Variants in PTPN4 observed in about 807,000 individuals in gnomAD.
PTPN4 encodes the protein tyrosine-protein phosphatase non-receptor type 4.
PTPN4 carries 49 observed loss-of-function variants against 135.5 expected under a neutral mutation model. That is an observed-to-expected ratio of 0.36 (90% CI 0.29 to 0.46). The LOEUF (loss-of-function observed/expected upper bound fraction) is 0.46, where lower values mean the gene tolerates loss of function less well. Among genes scored for constraint, PTPN4 ranks in the 20% least tolerant of loss-of-function variants. The pLI is 1.00. For missense variants in PTPN4, 860 were observed against 1,101.0 expected (o/e 0.78, Z 3.10); for synonymous variants, 333 against 369.9 (o/e 0.90, Z 1.14).
chr2:119,973,489 C>G (rs1679566117), intron 26 of PTPN4, among the ~76,000 whole-genome samples: 1 of 151,972 alleles, frequency 6.6e-6, no homozygotes, highest in Non-Finnish European at 1.5e-5. Flanking sequence ...TCATTTCTTT[C>G]AGGTATATAC....
chr2:119,909,448 GAAA>G, intron 10 of PTPN4, among the ~76,000 whole-genome samples: 1 of 152,274 alleles, frequency 6.6e-6, no homozygotes, highest in Admixed American at 6.5e-5. Context: ...CTACTGCTTA[GAAA>G]AAGATTCCTT....
chr2:119,804,794 C>T (rs1324706871), intron 1 of PTPN4, among the ~76,000 whole-genome samples: 1 of 152,146 alleles, frequency 6.6e-6, no homozygotes, highest in Non-Finnish European at 1.5e-5. Flanking sequence ...GGCATATACC[C>T]AGTAATGGGA....
chr2:119,776,003 T>C (rs2104924523), intron 1 of PTPN4, among the ~76,000 whole-genome samples: 1 of 152,168 alleles, frequency 6.6e-6, no homozygotes, highest in African/African-American at 2.4e-5. Flanking sequence ...AGCAAGAAGA[T>C]GTGGAAGAAA....
intron 2 of PTPN4, among the ~76,000 whole-genome samples, chr2:119,822,761 G>A (rs1277195042): frequency 6.6e-6 from 1 of 151,818 alleles, no homozygotes; most frequent in East Asian, 1.9e-4. Flanking sequence ...TCAAATTAGT[G>A]GGCTTTCAGG....
chr2:119,905,826 A>G (rs533347168), intron 10 of PTPN4, among the ~76,000 whole-genome samples: 3 of 152,292 alleles, frequency 2.0e-5, no homozygotes, highest in South Asian at 2.1e-4. Context: ...AAACTGTACA[A>G]ATACATGGAA....
At chr2:119,887,155 A>G (rs1381839815) in intron 9 of PTPN4, among the ~76,000 whole-genome samples, 2 of 152,174 alleles carry the variant, frequency 1.3e-5, no homozygotes, top group East Asian at 3.8e-4. Flanking sequence ...TAAAGTTTAA[A>G]ACAGATGGAA....
chr2:119,770,878 CTT>C (rs11302568), intron 1 of PTPN4, among the ~76,000 whole-genome samples: 5 of 138,940 alleles, frequency 3.6e-5, no homozygotes, highest in African/African-American at 2.6e-5. Flanking sequence ...AAGGGTCTAA[CTT>C]TTTTTTTTTT....
At chr2:119,788,399 A>G (rs1288948885) in intron 1 of PTPN4, among the ~76,000 whole-genome samples, 2 of 152,190 alleles carry the variant, frequency 1.3e-5, no homozygotes, top group Admixed American at 1.3e-4. Context: ...ACTTCATAAA[A>G]TGTTATGTTT....
chr2:119,845,754 G>T (rs1039822706), intron 2 of PTPN4, among the ~76,000 whole-genome samples: 1 of 151,604 alleles, frequency 6.6e-6, no homozygotes, highest in African/African-American at 2.4e-5. Context: ...TTGTGCTTTG[G>T]GTTTAGATTT....
chr2:119,779,205 G>GT (rs1299079387), intron 1 of PTPN4, among the ~76,000 whole-genome samples: 1 of 152,178 alleles, frequency 6.6e-6, no homozygotes, highest in Admixed American at 6.5e-5. Flanking sequence ...AGCTAAGTTA[G>GT]TCCATTATCT....
intron 9 of PTPN4, among the ~76,000 whole-genome samples, chr2:119,898,940 C>G (rs1678364691): frequency 6.6e-6 from 1 of 152,148 alleles, no homozygotes; most frequent in African/African-American, 2.4e-5. Flanking sequence ...GTATATCTCT[C>G]TAATGGTATT....
At chr2:119,790,374 G>A (rs959765293) in intron 1 of PTPN4, among the ~76,000 whole-genome samples, 1 of 151,350 alleles carries the variant, frequency 6.6e-6, no homozygotes, top group African/African-American at 2.4e-5. Flanking sequence ...ATGTATTTTG[G>A]GACGTTGTTT....
intron 1 of PTPN4, among the ~76,000 whole-genome samples, chr2:119,764,917 A>G (rs1690581462): frequency 6.6e-6 from 1 of 152,216 alleles, no homozygotes; most frequent in South Asian, 2.1e-4. Context: ...TTTGAGAGGA[A>G]TATAATGGGA....
intron 19 of PTPN4, among the ~76,000 whole-genome samples, chr2:119,954,801 A>G (rs1679257689): frequency 6.6e-6 from 1 of 152,192 alleles, no homozygotes; most frequent in Admixed American, 6.5e-5. Context: ...TCATAGTTAA[A>G]CATATGGTAT....
chr2:119,762,803 A>G (rs1445041647), intron 1 of PTPN4, among the ~76,000 whole-genome samples: 3 of 152,152 alleles, frequency 2.0e-5, no homozygotes, highest in African/African-American at 7.2e-5. Flanking sequence ...TTATTGGTAG[A>G]AGTTTACTAA....
chr2:119,786,952 C>G (rs553796119), intron 1 of PTPN4, among the ~76,000 whole-genome samples: 1 of 152,320 alleles, frequency 6.6e-6, no homozygotes, highest in African/African-American at 2.4e-5. Context: ...TACTATAATA[C>G]AGTTCTAATT....
intron 1 of PTPN4, among the ~76,000 whole-genome samples, chr2:119,788,263 A>C (rs1429777669): frequency 6.6e-6 from 1 of 152,148 alleles, no homozygotes; most frequent in African/African-American, 2.4e-5. Flanking sequence ...GTATTTATTT[A>C]GAATAAGAGA....
chr2:119,923,185 G>C (rs1432380137), intron 12 of PTPN4, among the ~76,000 whole-genome samples: 1 of 152,066 alleles, frequency 6.6e-6, no homozygotes, highest in African/African-American at 2.4e-5. Context: ...TCCAGCCTGG[G>C]CAACATAGGC....
At chr2:119,939,122 G>T (rs1277980409) in intron 15 of PTPN4, among the ~76,000 whole-genome samples, 1 of 152,108 alleles carries the variant, frequency 6.6e-6, no homozygotes, top group Non-Finnish European at 1.5e-5. Context: ...GCTTTTTTCA[G>T]TTAAGCTCTT....
Sources: allele counts gnomAD v4.1 joint callset (sites outside exome capture counted in the v4.1 genomes callset), GRCh38; gene constraint gnomAD v4.1.1; transcripts MANE v1.5; gene names NCBI Gene and HGNC (gene_info 2026-07-23, HGNC 2026-07-21).